PHF11: variants seen among roughly 807,000 people sequenced by gnomAD.
PHF11 encodes BRCA1 C-terminus-associated protein.
Under a neutral mutation model 40.5 loss-of-function variants are expected in PHF11, and 38 were observed. The observed-to-expected ratio is 0.94, with a 90% CI of 0.72 to 1.23. The LOEUF (loss-of-function observed/expected upper bound fraction) is 1.23, where lower values mean the gene tolerates loss of function less well. Among genes scored for constraint, PHF11 ranks in the 50% most tolerant of loss-of-function variants. The probability of loss-of-function intolerance (pLI) is 0.00; values close to 1 mark genes in which losing one functional copy is unlikely to be tolerated. For synonymous variants in PHF11, 127 were observed against 138.2 expected (o/e 0.92, Z 0.57); for missense variants, 369 against 392.4 (o/e 0.94, Z 0.50).
At chr13:49,525,757 C>T (rs761543922) in intron 8 of PHF11, 1 of 453,154 alleles carries the variant, frequency 2.2e-6, no homozygotes, top group Non-Finnish European at 4.4e-6. Flanking sequence ...CTATTTTATT[C>T]ATTTATTTCC....
At chr13:49,501,000 G>GTTTTTTTTTTTTTTTTTTTTTTTT (rs1206782081) in intron 1 of PHF11, among the ~76,000 whole-genome samples, 6 of 51,302 alleles carry the variant, frequency 1.2e-4, no homozygotes, top group Admixed American at 4.2e-4. Flanking sequence ...ACCAACTTTT[G>GTTTTTTTTTTTTTTTTTTTTTTTT]TTTTTTTTTT....
chr13:49,501,827 A>T (rs1958912279), intron 1 of PHF11, among the ~76,000 whole-genome samples: 1 of 151,954 alleles, frequency 6.6e-6, no homozygotes, highest in African/African-American at 2.4e-5. Flanking sequence ...AGTAGCTGGG[A>T]TTATAGGTGT....
At chr13:49,505,439 G>C (rs1368675765) in intron 1 of PHF11, among the ~76,000 whole-genome samples, 2 of 152,196 alleles carry the variant, frequency 1.3e-5, no homozygotes, top group Non-Finnish European at 2.9e-5. Context: ...CTGGATAACA[G>C]AAGAGACTTA....
intron 2 of PHF11, among the ~76,000 whole-genome samples, chr13:49,509,718 C>T (rs1464865400): frequency 6.6e-6 from 1 of 152,074 alleles, no homozygotes; most frequent in African/African-American, 2.4e-5. Flanking sequence ...AAGAGGAGTT[C>T]CCCAAAAATC....
chr13:49,504,400 G>T (rs1958948906), intron 1 of PHF11, among the ~76,000 whole-genome samples: 1 of 152,078 alleles, frequency 6.6e-6, no homozygotes. Context: ...AGGTTGCAGT[G>T]AGCCATCATT....
rs1438916775 is a variant in PHF11, at chr13:49,511,473, C to T, written c.217-1586C>T. Reference sequence around the variant, plus strand: ...TCGCGAGTAGCTGGGATTACAGGCACCTGCCACCATGCCCAGCTAATTTTT... The same window carrying T: ...TCGCGAGTAGCTGGGATTACAGGCATCTGCCACCATGCCCAGCTAATTTTT... On this transcript the variant is annotated intron_variant, in intron 2 of 9. Coordinates refer to ENST00000378319, the MANE Select transcript of PHF11 (RefSeq NM_001040443.3). Among the ~76,000 whole-genome samples, 4 of 151,938 alleles carry T rather than the reference C, an allele frequency of 2.6e-5. No individual in the cohort carries two copies. The East Asian group carries it at 7.7e-4, about 29-fold the overall frequency.
intron 8 of PHF11, among the ~76,000 whole-genome samples, chr13:49,525,047 G>C (rs2139078465): frequency 6.6e-6 from 1 of 152,248 alleles, no homozygotes; most frequent in East Asian, 1.9e-4. Flanking sequence ...TTTGATTTTG[G>C]AATCCAATTC....
chr13:49,513,848 C>T (rs1196871646), intron 3 of PHF11, among the ~76,000 whole-genome samples: 1 of 152,154 alleles, frequency 6.6e-6, no homozygotes, highest in Non-Finnish European at 1.5e-5. Context: ...TCCTCTCTGG[C>T]CTCCTGTCCC....
rs370049093 is a variant in PHF11 at position 49,496,108 on chromosome 13, GGGGC to G, written c.94+33_94+36del. ...CTCCTTCCCACCGGTGTGTACCGCG[GGGGC>G]GGGCGGGCGGGCGGGCGGGGCTGGG... is the stretch of plus-strand genomic sequence containing the variant. On this transcript the variant is annotated intron_variant, in intron 1 of 9. Transcript: ENST00000378319. The G allele has an allele frequency of 0.54, 369,976 of 691,168 alleles. 136,139 individuals carry two copies. The highest frequency in any genetic ancestry group is 0.84 in the East Asian group (22,354 of 26,670). 42.8% of individuals were successfully genotyped at this position (691,168 alleles called of 1,614,324 possible).
At position 49,523,237 on chromosome 13, in the gene PHF11, C is replaced by T; in HGVS notation, c.633C>T (p.His211=). The change falls in exon 7 of 10, where the codon CAC becomes CAT. Residue 211 remains histidine, a synonymous_variant. Coordinates refer to ENST00000378319, the MANE Select transcript of PHF11 (RefSeq NM_001040443.3). ...AAGTGAAAGAAGAGCATGGCAGACA[C>T]ACAGGTTTGCGCTAAGTGTTGTCTG... The part of the protein sequence containing the change: ...IRQVKEEHGR[H]TDATVKVPFL... 6.2e-7 allele frequency: 1 copy of T among 1,604,028 alleles called. No individual in the cohort carries two copies. Among genetic ancestry groups the T allele is most frequent in the Non-Finnish European group, 8.5e-7 (1 of 1,170,810 alleles).
chr13:49,496,067 C>G lies in PHF11; in HGVS notation c.66C>G (p.Pro22=), dbSNP rs1226077456. 13 of 1,355,192 alleles carry G rather than the reference C, an allele frequency of 9.6e-6. No individual in the cohort carries two copies. Among genetic ancestry groups the G allele is most frequent in the Non-Finnish European group, 1.0e-5 (11 of 1,052,420 alleles). 83.9% of individuals were successfully genotyped at this position (1,355,192 alleles called of 1,614,324 possible). The change falls in exon 1 of 10, where the codon CCC becomes CCG. Residue 22 remains proline, a synonymous_variant. Coordinates refer to ENST00000378319, the MANE Select transcript of PHF11 (RefSeq NM_001040443.3). ...GCGCCAGCAGCCCGGAGGCCCGGCCCGCGCAGGAGGCGCTCCTCCTTCCCA... is the reference window on the plus strand; with the variant it reads ...GCGCCAGCAGCCCGGAGGCCCGGCCGGCGCAGGAGGCGCTCCTCCTTCCCA... ...VLGASSPEAR[P]AQEALLLPTG...
chr13:49,512,428 C>T (rs1000925706), intron 2 of PHF11, among the ~76,000 whole-genome samples: 7 of 152,192 alleles, frequency 4.6e-5, no homozygotes, highest in African/African-American at 9.6e-5. Context: ...AAGAAATCTT[C>T]GCCTATGCCA....
At chr13:49,505,039 CA>C (rs1310921997) in intron 1 of PHF11, among the ~76,000 whole-genome samples, 1 of 150,882 alleles carries the variant, frequency 6.6e-6, no homozygotes, top group Non-Finnish European at 1.5e-5. Context: ...GAGTCATCAC[CA>C]CTCCCCAATC....
At chr13:49,512,331 C>T (rs1021445005) in intron 2 of PHF11, among the ~76,000 whole-genome samples, 2 of 152,188 alleles carry the variant, frequency 1.3e-5, no homozygotes, top group Non-Finnish European at 2.9e-5. Flanking sequence ...TGGCTTGCCT[C>T]TTTGTTTTCT....
In PHF11 at chr13:49,497,164, C is replaced by T; in HGVS notation, c.94+1069C>T. The T allele has an allele frequency of 1.6e-6, 2 of 1,289,506 alleles. 1 individual carries two copies. The allele number at this position is 1,289,506 out of a possible 1,614,324, so 79.9% of individuals were successfully genotyped here. ...CACACGTAAACATCATACGTGGCAA[C>T]CACAAGCCAATCAGTTGGATATTTC... On this transcript the variant is annotated intron_variant, in intron 1 of 9. Coordinates refer to ENST00000378319, the MANE Select transcript of PHF11 (RefSeq NM_001040443.3).
At chr13:49,501,104 C>T (rs903729479) in intron 1 of PHF11, among the ~76,000 whole-genome samples, 5 of 150,566 alleles carry the variant, frequency 3.3e-5, no homozygotes, top group Non-Finnish European at 7.4e-5. Flanking sequence ...ACCTCCACCT[C>T]CCAGATTCAA....
At chr13:49,500,139 A>G (rs1958879865) in intron 1 of PHF11, among the ~76,000 whole-genome samples, 1 of 152,186 alleles carries the variant, frequency 6.6e-6, no homozygotes, top group African/African-American at 2.4e-5. Flanking sequence ...TTCATTCTGT[A>G]TAAACTTTCT....
At chr13:49,496,829 C>CATTTTT in intron 1 of PHF11, among the ~76,000 whole-genome samples, 1 of 93,642 alleles carries the variant, frequency 1.1e-5, no homozygotes, top group South Asian at 3.5e-4. Context: ...CTGGGCTTAC[C>CATTTTT]CTTTTTTTTT....
At chr13:49,518,715 G>A (rs1258045905) in intron 4 of PHF11, 2 of 152,244 alleles carry the variant, frequency 1.3e-5, no homozygotes, top group Non-Finnish European at 2.9e-5. Context: ...GTCAGTGGCA[G>A]AGCTGGGCTG....
Sources: gnomAD v4.1 joint callset for allele counts (sites outside exome capture counted in the v4.1 genomes callset) on GRCh38, gnomAD v4.1.1 for gene constraint, MANE v1.5 for transcripts, NCBI Gene and HGNC (gene_info 2026-07-23, HGNC 2026-07-21) for gene names.